The following GPC6 variants were observed in gnomAD, a reference collection of about 807,000 sequenced individuals.
GPC6 encodes the protein glypican 6.
A neutral mutation model predicts 55.2 loss-of-function variants in GPC6; 14 were observed. The ratio of observed to expected loss-of-function variants is 0.25; its 90% CI spans 0.17 to 0.40. The LOEUF is 0.40. Ranked by LOEUF, GPC6 falls within the 10% of genes least tolerant of loss-of-function variation. GPC6 has a pLI of 1.00. For synonymous variants in GPC6, 278 were observed against 259.6 expected (o/e 1.07, Z -0.68); for missense variants, 641 against 708.5 (o/e 0.90, Z 1.08).
chr13:94,064,163 T>C (rs1172392710), intron 4 of GPC6, among the ~76,000 whole-genome samples: 1 of 152,188 alleles, frequency 6.6e-6, no homozygotes, highest in African/African-American at 2.4e-5. Flanking sequence ...GTTTATGACA[T>C]ATGTAAATGA....
At chr13:94,348,851 T>C (rs1280592768) in intron 6 of GPC6, among the ~76,000 whole-genome samples, 1 of 152,214 alleles carries the variant, frequency 6.6e-6, no homozygotes, top group Non-Finnish European at 1.5e-5. Context: ...ATCTCAGATT[T>C]GCAATTCCAA....
intron 1 of GPC6, among the ~76,000 whole-genome samples, chr13:93,410,764 T>A (rs2139244348): frequency 6.6e-6 from 1 of 152,334 alleles, no homozygotes; most frequent in East Asian, 1.9e-4. Context: ...TGGCTCATAA[T>A]GTAGCTTCTG....
chr13:93,506,525 G>T (rs1880720375), intron 1 of GPC6, among the ~76,000 whole-genome samples: 1 of 152,080 alleles, frequency 6.6e-6, no homozygotes, highest in Non-Finnish European at 1.5e-5. Context: ...TCCTTTCCCT[G>T]TGGGAGGGCT....
intron 1 of GPC6, among the ~76,000 whole-genome samples, chr13:93,238,813 T>A (rs948612421): frequency 6.6e-6 from 1 of 152,158 alleles, no homozygotes; most frequent in Admixed American, 6.5e-5. Context: ...ATGCTGAATT[T>A]TATTAAATGC....
rs565484809 is a variant in GPC6, at chr13:93,558,292, G to T, written c.319+12871G>T. 5.7e-3 allele frequency among the ~76,000 whole-genome samples: 865 copies of T among 152,236 alleles called. 5 individuals carry two copies. Among genetic ancestry groups the T allele is most frequent in the African/African-American group, 0.02 (816 of 41,548 alleles). ...TCTTCATCCTCATCACTGTCATAGT[G>T]CTCACTTTCTTACCTATAAGGACCC... On this transcript the variant is annotated intron_variant, in intron 2 of 8. Coordinates refer to ENST00000377047, the MANE Select transcript of GPC6 (RefSeq NM_005708.5).
chr13:93,560,125 G>A (rs1875695055), intron 2 of GPC6, among the ~76,000 whole-genome samples: 1 of 152,008 alleles, frequency 6.6e-6, no homozygotes, highest in African/African-American at 2.4e-5. Context: ...GATTAATCCG[G>A]TTCTTTTCTC....
chr13:93,939,947 C>T (rs1246021957), intron 3 of GPC6, among the ~76,000 whole-genome samples: 5 of 152,118 alleles, frequency 3.3e-5, no homozygotes, highest in Non-Finnish European at 5.9e-5. Context: ...AGATAAATGT[C>T]ATAGCTGTGA....
rs575203462 is a variant in GPC6, at chr13:93,733,991, C to T, written c.320-96163C>T. 6.6e-5 allele frequency among the ~76,000 whole-genome samples: 10 copies of T among 152,288 alleles called. No homozygotes were observed. In the South Asian group the frequency reaches 2.1e-3, roughly 32 times the overall value. On this transcript the variant is annotated intron_variant, in intron 2 of 8. Coordinates refer to ENST00000377047, the MANE Select transcript of GPC6 (RefSeq NM_005708.5). Reference sequence around the variant, plus strand: ...ATATTAAGCTATCCACACCCACATACTTTAATGACCCCCTAGCCAACATTA... The same window carrying T: ...ATATTAAGCTATCCACACCCACATATTTTAATGACCCCCTAGCCAACATTA...
intron 3 of GPC6, among the ~76,000 whole-genome samples, chr13:93,856,298 G>A (rs529032106): frequency 2.6e-5 from 4 of 151,656 alleles, no homozygotes; most frequent in African/African-American, 9.6e-5. Context: ...ACTCCTAAGT[G>A]ATGTCAAGTG....
At chr13:94,126,722 T>C (rs1886832058) in intron 4 of GPC6, among the ~76,000 whole-genome samples, 1 of 143,514 alleles carries the variant, frequency 7.0e-6, no homozygotes, top group Admixed American at 6.8e-5. Context: ...GCTTCATTTC[T>C]TCCTTAATGT....
chr13:94,373,617 G>A (rs1451052632), intron 6 of GPC6, among the ~76,000 whole-genome samples: 3 of 152,026 alleles, frequency 2.0e-5, no homozygotes, highest in Non-Finnish European at 4.4e-5. Context: ...TGGGGAGAAT[G>A]GAACCAAGTT....
intron 2 of GPC6, among the ~76,000 whole-genome samples, chr13:93,569,971 T>C (rs1310146260): frequency 6.6e-6 from 1 of 152,088 alleles, no homozygotes; most frequent in Non-Finnish European, 1.5e-5. Flanking sequence ...AATCGGTCAT[T>C]ACTCATTGTT....
At chr13:93,729,683 G>A (rs1017580914) in intron 2 of GPC6, among the ~76,000 whole-genome samples, 33 of 152,128 alleles carry the variant, frequency 2.2e-4, no homozygotes, top group African/African-American at 7.7e-4. Flanking sequence ...GCTAAATATA[G>A]CATAGCTTAT....
At chr13:93,602,321 A>T (rs1187532226) in intron 2 of GPC6, among the ~76,000 whole-genome samples, 1 of 152,180 alleles carries the variant, frequency 6.6e-6, no homozygotes, top group Admixed American at 6.5e-5. Flanking sequence ...CAAATTGAGG[A>T]AACATTATGT....
At chr13:94,342,685 C>T (rs1259782874) in intron 6 of GPC6, among the ~76,000 whole-genome samples, 1 of 152,162 alleles carries the variant, frequency 6.6e-6, no homozygotes, top group African/African-American at 2.4e-5. Context: ...TGGAATCCCA[C>T]GGGGAAATTC....
chr13:94,083,404 C>T (rs1885177025), intron 4 of GPC6, among the ~76,000 whole-genome samples: 1 of 152,218 alleles, frequency 6.6e-6, no homozygotes, highest in African/African-American at 2.4e-5. Flanking sequence ...AGGCATGAGC[C>T]ACTGCACCCG....
chr13:93,808,631 A>G (rs1386862696), intron 2 of GPC6, among the ~76,000 whole-genome samples: 1 of 152,242 alleles, frequency 6.6e-6, no homozygotes, highest in Non-Finnish European at 1.5e-5. Flanking sequence ...CATATTGTTA[A>G]TATGAACTGT....
chr13:94,279,455 C>T (rs191926544), intron 4 of GPC6, among the ~76,000 whole-genome samples: 42 of 150,388 alleles, frequency 2.8e-4, no homozygotes, highest in Non-Finnish European at 2.5e-4. Context: ...AATTCTGCCC[C>T]GATCTTAGTT....
chr13:93,591,963 T>C (rs1268506661), intron 2 of GPC6, among the ~76,000 whole-genome samples: 1 of 152,196 alleles, frequency 6.6e-6, no homozygotes, highest in Non-Finnish European at 1.5e-5. Flanking sequence ...AAATGAGCTA[T>C]TTAAATTAAG....
Sources: allele counts gnomAD v4.1 joint callset (sites outside exome capture counted in the v4.1 genomes callset), GRCh38; gene constraint gnomAD v4.1.1; transcripts MANE v1.5; gene names NCBI Gene and HGNC (gene_info 2026-07-23, HGNC 2026-07-21).